OSBPL9: variants seen among roughly 807,000 people sequenced by gnomAD.
OSBPL9 encodes oxysterol-binding protein-related protein 9.
OSBPL9 carries 40 observed loss-of-function variants against 106.6 expected under a neutral mutation model. The observed-to-expected ratio is 0.38, with a 90% CI of 0.29 to 0.49. OSBPL9 has a LOEUF of 0.49. OSBPL9 is among the 20% of genes least tolerant of loss of function. The pLI, the probability that OSBPL9 is intolerant of heterozygous loss-of-function variation, is 0.97. For synonymous variants in OSBPL9, 269 were observed against 295.4 expected (o/e 0.91, Z 0.92); for missense variants, 609 against 887.2 (o/e 0.69, Z 3.98).
the OSBPL9 span, among the ~76,000 whole-genome samples, chr1:51,548,260 T>A: frequency 6.6e-6 from 1 of 152,112 alleles, no homozygotes; most frequent in South Asian, 2.1e-4. Flanking sequence ...TGGTTTGGAT[T>A]TTTTTTATTT....
intron 8 of OSBPL9, among the ~76,000 whole-genome samples, chr1:51,753,546 C>T (rs1436947533): frequency 6.6e-6 from 1 of 152,162 alleles, no homozygotes; most frequent in Non-Finnish European, 1.5e-5. Context: ...CTTTGGCAGA[C>T]TCTTATTCAC....
At chr1:51,656,313 G>A (rs551350428) in intron 2 of OSBPL9, among the ~76,000 whole-genome samples, 24 of 152,124 alleles carry the variant, frequency 1.6e-4, no homozygotes, top group Non-Finnish European at 3.2e-4. Context: ...GATGAATATG[G>A]TAGTGATACT....
At chr1:51,618,448 T>C (rs1209679222) in intron 1 of OSBPL9, among the ~76,000 whole-genome samples, 1 of 152,052 alleles carries the variant, frequency 6.6e-6, no homozygotes, top group Admixed American at 6.6e-5. Flanking sequence ...ATAGCCGATA[T>C]GAGGGAAGAA....
rs1350797580 is a variant in OSBPL9 at position 51,785,901 on chromosome 1, T to C, written c.1908+15T>C. ...ATGCAACAGGGGTAAGATCCTCTATTTTGCCACTTGTTTTAGGCTACATTA... is the reference window on the plus strand; with the variant it reads ...ATGCAACAGGGGTAAGATCCTCTATCTTGCCACTTGTTTTAGGCTACATTA... On this transcript the variant is annotated intron_variant, in intron 21 of 23. Transcript: ENST00000428468. 6.2e-7 allele frequency: 1 copy of C among 1,605,218 alleles called. No individual in the cohort carries two copies. Among genetic ancestry groups the C allele is most frequent in the Admixed American group, 1.7e-5 (1 of 59,516 alleles).
At chr1:51,730,253 C>A in intron 4 of OSBPL9, 1 of 909,974 alleles carries the variant, frequency 1.1e-6, no homozygotes, top group Non-Finnish European at 1.4e-6. Context: ...CCAAATGAGA[C>A]TTTGGAGGAG....
At chr1:51,676,686 A>G (rs1553163099) in intron 3 of OSBPL9, among the ~76,000 whole-genome samples, 1 of 151,792 alleles carries the variant, frequency 6.6e-6, no homozygotes, top group Non-Finnish European at 1.5e-5. Context: ...AAAATTGACA[A>G]TGACTGCAAA....
chr1:51,541,877 T>C, the OSBPL9 span, among the ~76,000 whole-genome samples: 1 of 151,568 alleles, frequency 6.6e-6, no homozygotes, highest in Non-Finnish European at 1.5e-5. Flanking sequence ...AGCACTCACA[T>C]TTACCCAGCC....
chr1:51,632,148 A>C (rs930553735), intron 1 of OSBPL9, among the ~76,000 whole-genome samples: 1 of 152,200 alleles, frequency 6.6e-6, no homozygotes, highest in African/African-American at 2.4e-5. Context: ...ACTCTAAAAT[A>C]ACAATAAAAT....
upstream of OSBPL9, among the ~76,000 whole-genome samples, chr1:51,573,508 CAAA>C (rs961323006): frequency 4.0e-5 from 1 of 25,060 alleles, no homozygotes; most frequent in Non-Finnish European, 7.6e-5. Context: ...AACTCCATCT[CAAA>C]AAAAAAAAAA....
At chr1:51,546,242 C>T in the OSBPL9 span, among the ~76,000 whole-genome samples, 2 of 152,072 alleles carry the variant, frequency 1.3e-5, no homozygotes, top group Non-Finnish European at 2.9e-5. Flanking sequence ...GTCTCGAATT[C>T]CTGAGCGCAA....
At chr1:51,681,949 C>T (rs1195149891) in intron 3 of OSBPL9, among the ~76,000 whole-genome samples, 2 of 152,174 alleles carry the variant, frequency 1.3e-5, no homozygotes, top group African/African-American at 2.4e-5. Context: ...CGCCTGTAAT[C>T]CCAGCACTTT....
chr1:51,689,254 C>G (rs1180689568), intron 3 of OSBPL9, among the ~76,000 whole-genome samples: 1 of 152,130 alleles, frequency 6.6e-6, no homozygotes, highest in Non-Finnish European at 1.5e-5. Flanking sequence ...TTTGGCTTTG[C>G]TTGCCTTGGA....
At chr1:51,642,055 G>T (rs1645833314) in intron 1 of OSBPL9, among the ~76,000 whole-genome samples, 1 of 152,086 alleles carries the variant, frequency 6.6e-6, no homozygotes, top group South Asian at 2.1e-4. Context: ...AGGTTTAACA[G>T]ACTTAGTAAC....
At chr1:51,722,175 A>ATAGT (rs1367358545) in intron 4 of OSBPL9, among the ~76,000 whole-genome samples, 1 of 148,048 alleles carries the variant, frequency 6.8e-6, no homozygotes, top group African/African-American at 2.7e-5. Flanking sequence ...AGATAGATAG[A>ATAGT]TAGATAGATA....
At chr1:51,711,919 A>G (rs935368180) in intron 3 of OSBPL9, among the ~76,000 whole-genome samples, 23 of 150,212 alleles carry the variant, frequency 1.5e-4, no homozygotes, top group Non-Finnish European at 3.1e-4. Flanking sequence ...GATGCTCCTC[A>G]CTTTCCAGAC....
intron 4 of OSBPL9, among the ~76,000 whole-genome samples, chr1:51,735,586 T>C (rs367591404): frequency 6.0e-4 from 91 of 152,386 alleles, no homozygotes; most frequent in African/African-American, 2.1e-3. Context: ...ATCAATTATT[T>C]GTAGACAGAT....
At chr1:51,719,127 A>G (rs1037338727) in intron 4 of OSBPL9, among the ~76,000 whole-genome samples, 2 of 152,282 alleles carry the variant, frequency 1.3e-5, no homozygotes, top group South Asian at 2.1e-4. Flanking sequence ...CCACTTCAGC[A>G]TGGCTAAGAC....
rs1678374269 is a variant in OSBPL9, at chr1:51,788,930, C to G, written c.*1141C>G. ...AGCATTTAGTTAGTTATTCAATATA[C>G]TGGTTACGTAAGGCCTTTCAAGAAG... On this transcript the variant is annotated 3_prime_UTR_variant, in exon 24 of 24. Transcript: ENST00000428468. 6.6e-6 allele frequency among the ~76,000 whole-genome samples: 1 copy of G among 151,968 alleles called. No homozygotes were observed. The highest frequency in any genetic ancestry group is 2.4e-5 in the African/African-American group (1 of 41,338).
the OSBPL9 span, among the ~76,000 whole-genome samples, chr1:51,555,735 T>A: frequency 2.7e-5 from 4 of 150,504 alleles, no homozygotes; most frequent in African/African-American, 4.9e-5. Flanking sequence ...GCCCGGCTAA[T>A]TTTTTTTTGT....
Sources: gnomAD v4.1 joint callset for allele counts (sites outside exome capture counted in the v4.1 genomes callset) on GRCh38, gnomAD v4.1.1 for gene constraint, MANE v1.5 for transcripts, NCBI Gene and HGNC (gene_info 2026-07-23, HGNC 2026-07-21) for gene names.